The following TMEM132D variants were observed in gnomAD, a reference collection of about 807,000 sequenced individuals.
The protein encoded by TMEM132D is mature OL transmembrane protein.
In TMEM132D, 21 loss-of-function variants were observed where a neutral mutation model predicts 62.3. The observed-to-expected ratio is 0.34, with a 90% CI of 0.24 to 0.49. The LOEUF is 0.49. Among genes scored for constraint, TMEM132D ranks in the 20% least tolerant of loss-of-function variants. The pLI, the probability that TMEM132D is intolerant of heterozygous loss-of-function variation, is 0.99. For synonymous variants in TMEM132D, 621 were observed against 575.6 expected (o/e 1.08, Z -1.13); for missense variants, 1,346 against 1,402.8 (o/e 0.96, Z 0.65).
chr12:129,638,504 CATATATAAAT>C (rs1364554866), intron 2 of TMEM132D, among the ~76,000 whole-genome samples: 25 of 43,230 alleles, frequency 5.8e-4, no homozygotes, highest in Non-Finnish European at 1.1e-3. Context: ...TATATATAAA[CATATATAAAT>C]ATATATAAAT....
At chr12:129,276,765 A>G (rs1339426969) in intron 4 of TMEM132D, among the ~76,000 whole-genome samples, 2 of 152,244 alleles carry the variant, frequency 1.3e-5, no homozygotes, top group African/African-American at 4.8e-5. Flanking sequence ...GTTTCCTGCA[A>G]ACTTTTAAAG....
Position 129,635,359 on chromosome 12 carries a change from C to G in TMEM132D, c.968+64451G>C, listed in dbSNP as rs145700432. Among the ~76,000 whole-genome samples, 443 of 152,288 alleles carry G rather than the reference C, an allele frequency of 2.9e-3. 2 individuals are homozygous for G. Among genetic ancestry groups the G allele is most frequent in the African/African-American group, 0.01 (417 of 41,560 alleles). On this transcript the variant is annotated intron_variant, in intron 2 of 8. Transcript: ENST00000422113. ...GTAAGTCCTCAGATTACACAAACAA[C>G]AAACAGACAAAAGAAATGGCAAGGA... is the stretch of plus-strand genomic sequence containing the variant.
At chr12:129,482,574 G>A (rs1303042228) in intron 3 of TMEM132D, among the ~76,000 whole-genome samples, 1 of 152,162 alleles carries the variant, frequency 6.6e-6, no homozygotes, top group African/African-American at 2.4e-5. Flanking sequence ...AATTTCTAAA[G>A]AAGTTTTTAA....
chr12:129,749,301 G>A (rs1207576503), intron 1 of TMEM132D, among the ~76,000 whole-genome samples: 9 of 152,128 alleles, frequency 5.9e-5, no homozygotes, highest in Non-Finnish European at 1.0e-4. Flanking sequence ...GCTGAACTAC[G>A]ATTGCCTCTC....
At chr12:129,658,092 G>GA (rs1880140356) in intron 2 of TMEM132D, among the ~76,000 whole-genome samples, 1 of 152,170 alleles carries the variant, frequency 6.6e-6, no homozygotes, top group African/African-American at 2.4e-5. Context: ...AGAGTAGCCA[G>GA]AAAAAGCTTT....
intron 1 of TMEM132D, among the ~76,000 whole-genome samples, chr12:129,757,626 C>G (rs1467819764): frequency 6.6e-6 from 1 of 152,154 alleles, no homozygotes; most frequent in African/African-American, 2.4e-5. Context: ...GGGTGGAAAT[C>G]TGGACAAATC....
chr12:129,656,292 A>AGAAAGGGAAGAGATG (rs1565938738), intron 2 of TMEM132D, among the ~76,000 whole-genome samples: 2 of 150,418 alleles, frequency 1.3e-5, no homozygotes, highest in African/African-American at 4.8e-5. Flanking sequence ...AGGGAAGAGA[A>AGAAAGGGAAGAGATG]GGAAGGAGAG....
chr12:129,603,055 GATTATGGGAACTACA>G (rs1380465388), intron 2 of TMEM132D, among the ~76,000 whole-genome samples: 1 of 152,116 alleles, frequency 6.6e-6, no homozygotes, highest in Admixed American at 6.6e-5. Flanking sequence ...AACACATGGG[GATTATGGGAACTACA>G]ATTCAAGAAG....
intron 2 of TMEM132D, among the ~76,000 whole-genome samples, chr12:129,632,730 A>T (rs1323381896): frequency 6.6e-6 from 1 of 152,128 alleles, no homozygotes; most frequent in Non-Finnish European, 1.5e-5. Context: ...TCCACCATCC[A>T]CGCACGAGCT....
At chr12:129,412,145 T>C (rs1871984813) in intron 3 of TMEM132D, among the ~76,000 whole-genome samples, 2 of 148,870 alleles carry the variant, frequency 1.3e-5, no homozygotes, top group Admixed American at 1.3e-4. Flanking sequence ...TCTCTGTCAT[T>C]CAAATTTATT....
intron 2 of TMEM132D, among the ~76,000 whole-genome samples, chr12:129,555,718 C>A (rs1057179435): frequency 2.6e-5 from 4 of 151,998 alleles, no homozygotes; most frequent in South Asian, 2.1e-4. Context: ...CTTTTATAAC[C>A]CAAATACAAT....
At chr12:129,144,879 A>G (rs569034288) in intron 5 of TMEM132D, among the ~76,000 whole-genome samples, 2 of 148,506 alleles carry the variant, frequency 1.3e-5, no homozygotes, top group African/African-American at 5.1e-5. Flanking sequence ...TCTATCTACC[A>G]TTCACCTATT....
At chr12:129,813,632 T>TA (rs1872258996) in intron 1 of TMEM132D, among the ~76,000 whole-genome samples, 2 of 105,732 alleles carry the variant, frequency 1.9e-5, no homozygotes, top group African/African-American at 6.5e-5. Context: ...ATATATATAT[T>TA]TTCAGGACTA....
chr12:129,142,810 C>T (rs991651429), intron 5 of TMEM132D, among the ~76,000 whole-genome samples: 3 of 152,040 alleles, frequency 2.0e-5, no homozygotes, highest in African/African-American at 7.2e-5. Flanking sequence ...AGCAGGCAGG[C>T]CCCTTTTGGT....
chr12:129,603,226 A>G (rs1272155018), intron 2 of TMEM132D, among the ~76,000 whole-genome samples: 1 of 152,242 alleles, frequency 6.6e-6, no homozygotes, highest in Non-Finnish European at 1.5e-5. Context: ...GAACAAATGT[A>G]CAATGACAAT....
chr12:129,501,084 T>C (rs567270784), intron 3 of TMEM132D, among the ~76,000 whole-genome samples: 14 of 152,318 alleles, frequency 9.2e-5, no homozygotes, highest in African/African-American at 2.2e-4. Flanking sequence ...AATCTTGAAA[T>C]TGCAGCATCA....
intron 1 of TMEM132D, among the ~76,000 whole-genome samples, chr12:129,820,215 T>C (rs1213484213): frequency 6.6e-6 from 1 of 152,170 alleles, no homozygotes; most frequent in African/African-American, 2.4e-5. Context: ...TTGCCTCCCT[T>C]AGGAATTTAG....
chr12:129,348,730 T>C (rs1869768676), intron 3 of TMEM132D, among the ~76,000 whole-genome samples: 1 of 151,686 alleles, frequency 6.6e-6, no homozygotes, highest in South Asian at 2.1e-4. Context: ...TAAAATAAAA[T>C]AAAGAAAAGA....
intron 5 of TMEM132D, among the ~76,000 whole-genome samples, chr12:129,145,287 C>G (rs539625560): frequency 4.6e-5 from 7 of 152,070 alleles, no homozygotes; most frequent in Non-Finnish European, 8.8e-5. Flanking sequence ...AAGCTTGTTT[C>G]ACAACTTACT....
Sources: allele counts gnomAD v4.1 joint callset (sites outside exome capture counted in the v4.1 genomes callset), GRCh38; gene constraint gnomAD v4.1.1; transcripts MANE v1.5; gene names NCBI Gene and HGNC (gene_info 2026-07-23, HGNC 2026-07-21).